MEF2A: variants seen among roughly 807,000 people sequenced by gnomAD.
MEF2A encodes the protein myocyte-specific enhancer factor 2A.
A neutral mutation model predicts 55.8 loss-of-function variants in MEF2A; 28 were observed. That is an observed-to-expected ratio of 0.50 (90% CI 0.37 to 0.69). MEF2A has a LOEUF of 0.69. Ranked by LOEUF, MEF2A falls within the 30% of genes least tolerant of loss-of-function variation. The probability of loss-of-function intolerance (pLI) is 0.00; values close to 1 mark genes in which losing one functional copy is unlikely to be tolerated. For missense variants in MEF2A, 528 were observed against 626.2 expected (o/e 0.84, Z 1.67); for synonymous variants, 239 against 227.1 (o/e 1.05, Z -0.47).
At chr15:99,598,886 G>A (rs564104508) in intron 2 of MEF2A, among the ~76,000 whole-genome samples, 29 of 152,234 alleles carry the variant, frequency 1.9e-4, no homozygotes, top group Non-Finnish European at 3.2e-4. Context: ...AGTTACATGA[G>A]CTGAGGAAAG....
chr15:99,623,481 T>G (rs2041574498), intron 2 of MEF2A, among the ~76,000 whole-genome samples: 1 of 152,214 alleles, frequency 6.6e-6, no homozygotes, highest in Non-Finnish European at 1.5e-5. Context: ...CGCCATACTG[T>G]TTTCCATAGC....
intron 2 of MEF2A, among the ~76,000 whole-genome samples, chr15:99,621,533 G>A (rs1348231100): frequency 6.6e-6 from 1 of 152,104 alleles, no homozygotes; most frequent in South Asian, 2.1e-4. Flanking sequence ...TGCAACAGTA[G>A]TAAGTGTTTC....
intron 2 of MEF2A, among the ~76,000 whole-genome samples, chr15:99,612,776 G>C (rs1277860101): frequency 6.6e-6 from 1 of 152,220 alleles, no homozygotes; most frequent in East Asian, 1.9e-4. Context: ...ACTTTTGACA[G>C]TGAGGGGTCT....
chr15:99,585,475 G>GT (rs1390981929), intron 1 of MEF2A, among the ~76,000 whole-genome samples: 4 of 151,962 alleles, frequency 2.6e-5, no homozygotes, highest in East Asian at 1.9e-4. Flanking sequence ...GACCTTATTA[G>GT]TTTTTTTAAA....
intron 9 of MEF2A, among the ~76,000 whole-genome samples, chr15:99,704,029 G>A (rs325414): frequency 0.59 from 89,141 of 152,120 alleles, 29,680 homozygotes; most frequent in South Asian, 0.78. Context: ...ACTAAAAGCA[G>A]CTTGCAGTTG....
intron 3 of MEF2A, among the ~76,000 whole-genome samples, chr15:99,635,899 C>T (rs376694484): frequency 2.0e-5 from 3 of 152,124 alleles, no homozygotes; most frequent in East Asian, 1.9e-4. Context: ...TGAATATTCT[C>T]GATAGTATAC....
intron 3 of MEF2A, among the ~76,000 whole-genome samples, chr15:99,633,612 T>C (rs972247449): frequency 6.6e-6 from 1 of 152,202 alleles, no homozygotes; most frequent in Non-Finnish European, 1.5e-5. Flanking sequence ...TTAACCAATA[T>C]GTAATGAGAA....
At chr15:99,590,318 T>A (rs139281512) in intron 1 of MEF2A, among the ~76,000 whole-genome samples, 2 of 149,688 alleles carry the variant, frequency 1.3e-5, no homozygotes, top group Non-Finnish European at 3.0e-5. Context: ...TTATATGATA[T>A]ATCCTTTTCT....
intron 7 of MEF2A, among the ~76,000 whole-genome samples, chr15:99,684,297 C>T (rs759730706): frequency 3.9e-4 from 59 of 152,200 alleles, no homozygotes; most frequent in Non-Finnish European, 6.3e-4. Flanking sequence ...GTACTGTTTT[C>T]TTTAGTGGTT....
chr15:99,689,569 C>T (rs889407299), intron 7 of MEF2A, among the ~76,000 whole-genome samples: 10 of 152,204 alleles, frequency 6.6e-5, no homozygotes, highest in African/African-American at 2.4e-4. Flanking sequence ...CAACCTCCGT[C>T]TCCCGGGTTC....
chr15:99,697,377 T>C (rs1047110147), intron 8 of MEF2A, among the ~76,000 whole-genome samples: 14 of 151,342 alleles, frequency 9.3e-5, no homozygotes, highest in African/African-American at 3.4e-4. Flanking sequence ...GACCAATCAG[T>C]GAGTTTAGCA....
intron 8 of MEF2A, among the ~76,000 whole-genome samples, chr15:99,690,960 G>A (rs2055308328): frequency 1.3e-5 from 2 of 152,156 alleles, no homozygotes; most frequent in South Asian, 4.1e-4. Flanking sequence ...AAGAGGACTT[G>A]AAATGTTCCC....
At chr15:99,630,454 T>G (rs1400274194) in intron 2 of MEF2A, among the ~76,000 whole-genome samples, 2 of 151,814 alleles carry the variant, frequency 1.3e-5, no homozygotes, top group Admixed American at 1.3e-4. Context: ...AATTCTTCAT[T>G]TTACTTTTTA....
At chr15:99,597,621 C>T (rs1427966089) in intron 1 of MEF2A, among the ~76,000 whole-genome samples, 1 of 152,164 alleles carries the variant, frequency 6.6e-6, no homozygotes, top group African/African-American at 2.4e-5. Flanking sequence ...CGCACACTCC[C>T]TCCCCTTTTG....
chr15:99,601,160 GA>G (rs1972816859), intron 2 of MEF2A, among the ~76,000 whole-genome samples: 1 of 152,058 alleles, frequency 6.6e-6, no homozygotes, highest in Non-Finnish European at 1.5e-5. Flanking sequence ...TTATAAATGG[GA>G]ATTTAAAAGA....
chr15:99,595,283 AGTT>A (rs1471165747), intron 1 of MEF2A, among the ~76,000 whole-genome samples: 6 of 152,132 alleles, frequency 3.9e-5, no homozygotes, highest in South Asian at 2.1e-4. Context: ...CTGCTCTTGT[AGTT>A]GTTGTTATTA....
At position 99,714,220 on chromosome 15, in the gene MEF2A, A is replaced by ATG. The variant is rs2058938371; in HGVS notation, c.*1453_*1454dup. 1 of 152,230 alleles carries ATG rather than the reference A, an allele frequency of 6.6e-6. No individual in the cohort carries two copies. The highest frequency in any genetic ancestry group is 2.4e-5 in the African/African-American group (1 of 41,456). 9.4% of individuals were successfully genotyped at this position (152,230 alleles called of 1,614,324 possible). ...TAAGTTCATCCTGCATAAGTATAAAATGTGTTGTAACAGATTTTGTAAGGC... is the reference window on the plus strand; with the variant it reads ...TAAGTTCATCCTGCATAAGTATAAAATGTGTGTTGTAACAGATTTTGTAAGGC... On this transcript the variant is annotated 3_prime_UTR_variant, in exon 12 of 12. Transcript: ENST00000557942.
At chr15:99,683,531 C>A (rs1259208790) in intron 7 of MEF2A, among the ~76,000 whole-genome samples, 1 of 152,008 alleles carries the variant, frequency 6.6e-6, no homozygotes, top group South Asian at 2.1e-4. Flanking sequence ...GTCAGCCTCC[C>A]TAGTAGCCAG....
intron 10 of MEF2A, among the ~76,000 whole-genome samples, chr15:99,707,416 G>C (rs573655985): frequency 2.4e-4 from 36 of 152,200 alleles, no homozygotes; most frequent in Non-Finnish European, 5.0e-4. Context: ...TTTCTCCTCG[G>C]AGCCAGTCAC....
Sources: gnomAD v4.1 joint callset for allele counts (sites outside exome capture counted in the v4.1 genomes callset) on GRCh38, gnomAD v4.1.1 for gene constraint, MANE v1.5 for transcripts, NCBI Gene and HGNC (gene_info 2026-07-23, HGNC 2026-07-21) for gene names.